PDXK: variants seen among roughly 807,000 people sequenced by gnomAD.
PDXK encodes the protein pyridoxal kinase.
A neutral mutation model predicts 43.2 loss-of-function variants in PDXK; 15 were observed. That is an observed-to-expected ratio of 0.35 (90% CI 0.23 to 0.53). PDXK has a LOEUF of 0.53. PDXK is among the 20% of genes least tolerant of loss of function. PDXK has a pLI of 0.92. For synonymous variants in PDXK, 172 were observed against 165.4 expected, an observed-to-expected ratio of 1.04 and a Z score of -0.31; for missense variants, 343 against 417.0, an observed-to-expected ratio of 0.82 and a Z score of 1.54.
At chr21:43,725,493 A>G (rs2083244837) in intron 1 of PDXK, among the ~76,000 whole-genome samples, 1 of 152,042 alleles carries the variant, frequency 6.6e-6, no homozygotes, top group African/African-American at 2.4e-5. Flanking sequence ...TCAAGGTGAC[A>G]TGCATTTGCA....
At position 43,736,880 on chromosome 21, in the gene PDXK, C is replaced by T. The variant is rs529369815; in HGVS notation, c.142+2757C>T. The T allele has an allele frequency of 2.8e-4, 194 of 697,758 alleles. 1 individual carries two copies. Among genetic ancestry groups the T allele is most frequent in the South Asian group, 8.4e-4 (56 of 66,878 alleles). The allele number at this position is 697,758 out of a possible 1,614,324, so 43.2% of individuals were successfully genotyped here. ...ACTCCTTGGGCTCAAGCGATCCTGC[C>T]CCCTCAGCCTCCCAAAGTGCTGGGA... On this transcript the variant is annotated intron_variant, in intron 2 of 10. Transcript: ENST00000291565.
rs1204775435 is a variant in PDXK at position 43,750,930 on chromosome 21, G to A, written c.510+385G>A. 3.5e-3 allele frequency among the ~76,000 whole-genome samples: 527 copies of A among 149,580 alleles called. 3 individuals carry two copies. Among genetic ancestry groups the A allele is most frequent in the African/African-American group, 0.012 (492 of 40,544 alleles). On this transcript the variant is annotated intron_variant, in intron 7 of 10. Coordinates refer to ENST00000291565, the MANE Select transcript of PDXK (RefSeq NM_003681.5). ...TGCACGCATGTGTGCATGTGTGTGC[G>A]TATGTGTGCACGTGTTTGCACATGT...
In PDXK at chr21:43,761,625, C is replaced by G. The variant is rs577770849; in HGVS notation, c.*5562C>G. ...CTTTGTCCTCATTTTGAGCTGCAAG[C>G]TGGGTCAGCGGCTCTGAAGCCCTCG... is the stretch of plus-strand genomic sequence containing the variant. On this transcript the variant is annotated 3_prime_UTR_variant, in exon 11 of 11. Coordinates refer to ENST00000291565, the MANE Select transcript of PDXK (RefSeq NM_003681.5). The G allele has an allele frequency of 6.6e-6, 1 of 152,464 alleles. No individual in the cohort carries two copies. Among genetic ancestry groups the G allele is most frequent in the East Asian group, 1.9e-4 (1 of 5,162 alleles). 9.4% of individuals were successfully genotyped at this position (152,464 alleles called of 1,614,324 possible).
chr21:43,738,608 C>G (rs112089509), intron 2 of PDXK: 1 of 152,344 alleles, frequency 6.6e-6, no homozygotes. Context: ...CTGTAAACAC[C>G]GTGTTCAAGG....
intron 1 of PDXK, chr21:43,719,885 C>T (rs1388809575): frequency 2.0e-6 from 2 of 985,308 alleles, no homozygotes; most frequent in East Asian, 2.3e-4. Flanking sequence ...GAAGAAGACG[C>T]CGAGTGAGGT....
Position 43,732,079 on chromosome 21 carries a change from T to G in PDXK, c.88-1990T>G. 9.3e-7 allele frequency: 1 copy of G among 1,070,784 alleles called. No individual in the cohort carries two copies. Among genetic ancestry groups the G allele is most frequent in the Non-Finnish European group, 1.2e-6 (1 of 846,946 alleles). 66.3% of individuals were successfully genotyped at this position (1,070,784 alleles called of 1,614,324 possible). A position where few individuals can be genotyped will look rare whatever the true frequency, so the allele number is the denominator to read the frequency against. ...GGGACGGTCACTACCGCTGCCCCTG[T>G]GGGGAGAAGAGCCCCGGGGGAAGAA... On this transcript the variant is annotated intron_variant, in intron 1 of 10. Transcript: ENST00000291565. The surrounding 1 kb of genome is among the most constrained non-coding windows in gnomAD (Gnocchi z 4.1).
chr21:43,719,928 C>G, intron 1 of PDXK: 1 of 985,402 alleles, frequency 1.0e-6, no homozygotes, highest in Non-Finnish European at 1.2e-6. Flanking sequence ...TCCCCTCGGC[C>G]TGACCACGCC....
At position 43,734,193 on chromosome 21, in the gene PDXK, G is replaced by T; in HGVS notation, c.142+70G>T. The T allele has an allele frequency of 7.1e-7, 1 of 1,412,458 alleles. No individual in the cohort carries two copies. The allele number at this position is 1,412,458 out of a possible 1,614,324, so 87.5% of individuals were successfully genotyped here. A position where few individuals can be genotyped will look rare whatever the true frequency, so the allele number is the denominator to read the frequency against. ...GTGAGGGACGGGGCGGAGTGTGGGTGTGAGGGACGGGGCGGAGTGTGGGTG... is the reference window on the plus strand; with the variant it reads ...GTGAGGGACGGGGCGGAGTGTGGGTTTGAGGGACGGGGCGGAGTGTGGGTG... On this transcript the variant is annotated intron_variant, in intron 2 of 10. Transcript: ENST00000291565. This position sits in a 1 kb window ranked among gnomAD's most constrained non-coding sequence, Gnocchi z 5.0.
At chr21:43,722,989 C>T (rs930455610) in intron 1 of PDXK, among the ~76,000 whole-genome samples, 7 of 152,056 alleles carry the variant, frequency 4.6e-5, no homozygotes, top group Admixed American at 2.6e-4. Context: ...AGGCGCCCGC[C>T]ACCACGCCTG....
At position 43,728,511 on chromosome 21, in the gene PDXK, T is replaced by G. The variant is rs548750116; in HGVS notation, c.88-5558T>G. Among the ~76,000 whole-genome samples, 53 of 152,122 alleles carry G rather than the reference T, an allele frequency of 3.5e-4. No homozygotes were observed. The East Asian group carries it at 0.01, about 29-fold the overall frequency. ...AGCTCCCCTGGAATGTTCCAGAGCTTCCCCCACTCCTGCCGTTCTGAGTCA... is the reference window on the plus strand; with the variant it reads ...AGCTCCCCTGGAATGTTCCAGAGCTGCCCCCACTCCTGCCGTTCTGAGTCA... On this transcript the variant is annotated intron_variant, in intron 1 of 10. Transcript: ENST00000291565.
chr21:43,745,197 A>T (rs1242919362), intron 4 of PDXK, among the ~76,000 whole-genome samples: 1 of 152,166 alleles, frequency 6.6e-6, no homozygotes, highest in Non-Finnish European at 1.5e-5. Flanking sequence ...AGGTGGGCGG[A>T]TCACCTGAAG....
chr21:43,720,274 C>T (rs1207504118), intron 1 of PDXK, among the ~76,000 whole-genome samples: 2 of 152,130 alleles, frequency 1.3e-5, no homozygotes, highest in African/African-American at 4.8e-5. Flanking sequence ...CCTGTGCTGC[C>T]CACCTGCGGC....
chr21:43,743,116 G>A (rs1410876200), intron 3 of PDXK, among the ~76,000 whole-genome samples: 50 of 12,016 alleles, frequency 4.2e-3, no homozygotes, highest in African/African-American at 0.013. Flanking sequence ...CCCTCCCCCC[G>A]CTCTGAGCAC....
chr21:43,762,183 C>T lies in PDXK; in HGVS notation c.*6120C>T, dbSNP rs1299. ...CGTTTGCCTGGAGTGGCCGGCCCTG[C>T]TTGTGCCATGTGGATGTTTGTGAGC... On this transcript the variant is annotated 3_prime_UTR_variant, in exon 11 of 11. Transcript: ENST00000291565. 0.2 allele frequency: 31,282 copies of T among 152,692 alleles called. 3,956 individuals carry two copies. The highest frequency in any genetic ancestry group is 0.47 in the East Asian group (2,437 of 5,156). The allele number at this position is 152,692 out of a possible 1,614,324, so 9.5% of individuals were successfully genotyped here.
chr21:43,755,386 C>G (rs2083829289), intron 9 of PDXK: 1 of 393,984 alleles, frequency 2.5e-6, no homozygotes, highest in Admixed American at 4.0e-5. Flanking sequence ...GGAGTTAATT[C>G]TGGGAACTCC....
intron 3 of PDXK, 69 bp downstream of exon 3, chr21:43,741,840 T>A (rs1034409919): frequency 6.8e-6 from 7 of 1,033,228 alleles, no homozygotes; most frequent in African/African-American, 1.6e-5. Flanking sequence ...CTCAGGGAGG[T>A]CCAGAGCACC....
At chr21:43,752,728 T>G (rs2083775372) in intron 8 of PDXK, 99 bp downstream of exon 8, 1 of 732,552 alleles carries the variant, frequency 1.4e-6, no homozygotes, top group Non-Finnish European at 2.4e-6. Flanking sequence ...AGCATGAAAT[T>G]TAAGCCTTAT....
intron 3 of PDXK, 22 bp downstream of exon 3, chr21:43,741,793 C>A: frequency 6.7e-7 from 1 of 1,496,312 alleles, no homozygotes; most frequent in Non-Finnish European, 9.3e-7. Flanking sequence ...AGCAAGCTGC[C>A]GCAGGGGACT....
At chr21:43,733,641 G>A in intron 1 of PDXK, 4 of 1,059,430 alleles carry the variant, frequency 3.8e-6, no homozygotes, top group Non-Finnish European at 4.6e-6. Flanking sequence ...CAAGGGGTGG[G>A]GTAGACGCCC....
Sources: allele counts gnomAD v4.1 joint callset (sites outside exome capture counted in the v4.1 genomes callset), GRCh38; gene constraint gnomAD v4.1.1; non-coding constraint Gnocchi (gnomAD v3.1); transcripts MANE v1.5; gene names NCBI Gene and HGNC (gene_info 2026-07-23, HGNC 2026-07-21).